The following MRPL33 variants were observed in gnomAD, a reference collection of about 807,000 sequenced individuals.
MRPL33 encodes the protein mitochondrial ribosomal protein L33.
In MRPL33, 5 loss-of-function variants were observed where a neutral mutation model predicts 10.1. The observed-to-expected ratio is 0.49, with a 90% CI of 0.26 to 1.04. MRPL33 has a LOEUF of 1.04. Among genes scored for constraint, MRPL33 ranks in the 50% least tolerant of loss-of-function variants. MRPL33 has a pLI of 0.14. For synonymous variants in MRPL33, 24 were observed against 27.7 expected, an observed-to-expected ratio of 0.87 and a Z score of 0.42; for missense variants, 79 against 78.1, an observed-to-expected ratio of 1.01 and a Z score of -0.04.
At chr2:27,775,286 A>G (rs185123154) in intron 3 of MRPL33, among the ~76,000 whole-genome samples, 11 of 152,100 alleles carry the variant, frequency 7.2e-5, no homozygotes, top group Admixed American at 5.9e-4. Flanking sequence ...GATTTATGTA[A>G]AAATAGCAAA....
chr2:27,778,493 G>A (rs1459826151), intron 3 of MRPL33, among the ~76,000 whole-genome samples: 1 of 151,732 alleles, frequency 6.6e-6, no homozygotes, highest in Non-Finnish European at 1.5e-5. Context: ...GAAGTTAATC[G>A]AGTGCCATAA....
intron 1 of MRPL33, 157 bp downstream of exon 1, chr2:27,771,956 C>T: frequency 1.3e-6 from 1 of 787,434 alleles, no homozygotes. Context: ...GTCCGGCATG[C>T]CCCGCGGCGC....
At chr2:27,778,034 T>C (rs1328492823) in intron 3 of MRPL33, among the ~76,000 whole-genome samples, 3 of 152,236 alleles carry the variant, frequency 2.0e-5, no homozygotes, top group African/African-American at 7.2e-5. Context: ...TTTCACATGA[T>C]TTGAAGTATG....
rs764934798 is a variant in MRPL33, at chr2:27,771,763, C to G, written c.-15C>G. 1.9e-6 allele frequency: 3 copies of G among 1,614,132 alleles called. No individual in the cohort carries two copies. In the South Asian group the frequency reaches 3.3e-5, roughly 18 times the overall value. On this transcript the variant is annotated 5_prime_UTR_variant, in exon 1 of 4. Transcript: ENST00000296102. Reference sequence around the variant, plus strand: ...CCTTTTGGCCGGTGACGGAGACTGCCCAGGTGTGGTCACCATGTTCCTCTC... The same window carrying G: ...CCTTTTGGCCGGTGACGGAGACTGCGCAGGTGTGGTCACCATGTTCCTCTC...
chr2:27,779,175 A>C (rs1213651116), intron 3 of MRPL33, among the ~76,000 whole-genome samples: 1 of 152,072 alleles, frequency 6.6e-6, no homozygotes. Flanking sequence ...CTTAATGTGA[A>C]TATTTCTTCA....
rs1329081684 is a variant in MRPL33 at position 27,774,493 on chromosome 2, G to A, written c.111G>A (p.Leu37=). The A allele has an allele frequency of 6.2e-7, 1 of 1,613,934 alleles. No homozygotes were observed. Among genetic ancestry groups the A allele is most frequent in the Non-Finnish European group, 8.5e-7 (1 of 1,179,932 alleles). ...GCTTCAACACCAAGAGAAACCGACT[G>A]CGGGAAAAACTGACTCTTTTGCATT... ...GFCFNTKRNR[L]REKLTLLHYD... Residue 37 remains leucine (L), a synonymous_variant, in exon 3 of 4, where the codon CTG becomes CTA. Coordinates refer to ENST00000296102, the MANE Select transcript of MRPL33 (RefSeq NM_004891.4).
chr2:27,772,514 C>T, intron 1 of MRPL33, 160 bp from the exon 2 acceptor site: 1 of 583,780 alleles, frequency 1.7e-6, no homozygotes, highest in South Asian at 2.3e-5. Flanking sequence ...CTAAGGGGAT[C>T]CCTAATAGAT....
At chr2:27,775,323 C>T (rs939765898) in intron 3 of MRPL33, among the ~76,000 whole-genome samples, 3 of 145,630 alleles carry the variant, frequency 2.1e-5, no homozygotes, top group East Asian at 2.0e-4. Context: ...AGAGCTCTGG[C>T]TGTTCATTTT....
chr2:27,778,630 C>T, intron 3 of MRPL33, among the ~76,000 whole-genome samples: 1 of 151,980 alleles, frequency 6.6e-6, no homozygotes, highest in East Asian at 1.9e-4. Flanking sequence ...TCTCGGCTCA[C>T]TGCAACCTCT....
intron 1 of MRPL33, 105 bp downstream of exon 1, chr2:27,771,904 A>AAGCTGC: frequency 8.2e-7 from 1 of 1,212,516 alleles, no homozygotes; most frequent in African/African-American, 1.5e-5. Flanking sequence ...ACAGGACGGG[A>AAGCTGC]AGCTGCAGCT....
intron 3 of MRPL33, among the ~76,000 whole-genome samples, chr2:27,777,868 T>A (rs1006337462): frequency 6.6e-6 from 1 of 152,196 alleles, no homozygotes; most frequent in Non-Finnish European, 1.5e-5. Flanking sequence ...CGCCTTTTTT[T>A]AAACCAAGTT....
intron 2 of MRPL33, among the ~76,000 whole-genome samples, chr2:27,773,494 ACT>A (rs1181897329): frequency 6.6e-6 from 1 of 151,706 alleles, no homozygotes; most frequent in Non-Finnish European, 1.5e-5. Flanking sequence ...GTATATTCTG[ACT>A]CTCGTTCTTT....
At chr2:27,773,601 G>C (rs1034908156) in intron 2 of MRPL33, among the ~76,000 whole-genome samples, 2 of 152,230 alleles carry the variant, frequency 1.3e-5, no homozygotes. Flanking sequence ...AGAGGACATA[G>C]ACATAGACTT....
chr2:27,774,526 A>T lies in MRPL33; in HGVS notation c.144A>T (p.Pro48=), dbSNP rs1677112635. The change falls in exon 3 of 4, where the codon CCA becomes CCT. Residue 48 remains proline (P), a synonymous_variant. Transcript: ENST00000296102. Reference sequence around the variant, plus strand: ...AACTGACTCTTTTGCATTATGATCCAGTTGGTAAGATCTGGGGAGGTTAAT... The same window carrying T: ...AACTGACTCTTTTGCATTATGATCCTGTTGGTAAGATCTGGGGAGGTTAAT... ...REKLTLLHYD[P]VVKQRVLFVE... is the part of the protein sequence containing the mutation. 3 of 1,613,490 alleles carry T rather than the reference A, an allele frequency of 1.9e-6. No individual in the cohort carries two copies. The highest frequency in any genetic ancestry group is 1.7e-5 in the Admixed American group (1 of 60,002).
Position 27,779,557 on chromosome 2 carries a change from C to T in MRPL33, c.*75C>T, listed in dbSNP as rs149686645. ...GGATACTGATTCAGAAATCCTGTAG[C>T]GTGTAATAAAAGAAGAGGAAATGGC... On this transcript the variant is annotated 3_prime_UTR_variant, in exon 4 of 4. Transcript: ENST00000296102. 7 of 1,595,984 alleles carry T rather than the reference C, an allele frequency of 4.4e-6. No individual in the cohort carries two copies. The highest frequency in any genetic ancestry group is 3.7e-5 in the Admixed American group (2 of 54,582).
At chr2:27,778,747 T>A (rs1677220875) in intron 3 of MRPL33, among the ~76,000 whole-genome samples, 1 of 151,868 alleles carries the variant, frequency 6.6e-6, no homozygotes, top group Non-Finnish European at 1.5e-5. Context: ...GGAGATGGGG[T>A]TTCTCCATGT....
At position 27,779,606 on chromosome 2, in the gene MRPL33, T is replaced by C. The variant is rs761022900; in HGVS notation, c.*124T>C. ...GCATGGAATCACTGCCTCCTGTGAT[T>C]TGAAGGCCATTGTGAAGGAAAACAA... is the stretch of plus-strand genomic sequence containing the variant. On this transcript the variant is annotated 3_prime_UTR_variant, in exon 4 of 4. Transcript: ENST00000296102. The C allele has an allele frequency of 1.3e-6, 2 of 1,563,636 alleles. No individual in the cohort carries two copies. Among genetic ancestry groups the C allele is most frequent in the Admixed American group, 4.2e-5 (2 of 48,166 alleles).
chr2:27,775,922 G>C (rs188590558), intron 3 of MRPL33, among the ~76,000 whole-genome samples: 4 of 152,130 alleles, frequency 2.6e-5, no homozygotes, highest in African/African-American at 9.7e-5. Context: ...GGATTGATAA[G>C]GTTTAGAATT....
intron 3 of MRPL33, 77 bp downstream of exon 3, chr2:27,774,607 G>GT: frequency 6.1e-6 from 7 of 1,139,540 alleles, no homozygotes; most frequent in Admixed American, 1.8e-5. Flanking sequence ...CTCTGGAGGT[G>GT]TTTTTTTAGC....
Sources: allele counts gnomAD v4.1 joint callset (sites outside exome capture counted in the v4.1 genomes callset), GRCh38; gene constraint gnomAD v4.1.1; transcripts MANE v1.5; gene names NCBI Gene and HGNC (gene_info 2026-07-23, HGNC 2026-07-21).